Variants in SLC17A8 observed in about 807,000 individuals in gnomAD.
The protein encoded by SLC17A8 is vesicular glutamate transporter 3.
A neutral mutation model predicts 58.0 loss-of-function variants in SLC17A8; 31 were observed. The ratio of observed to expected loss-of-function variants is 0.53; its 90% CI spans 0.40 to 0.72. The LOEUF is 0.72. SLC17A8 is among the 30% of genes least tolerant of loss of function. SLC17A8 has a pLI of 0.00. For missense variants in SLC17A8, 655 were observed against 727.8 expected, an observed-to-expected ratio of 0.90 and a Z score of 1.15; for synonymous variants, 228 against 249.0, an observed-to-expected ratio of 0.92 and a Z score of 0.79.
At chr12:100,373,367 C>CT (rs761059762) in intron 1 of SLC17A8, among the ~76,000 whole-genome samples, 1 of 89,114 alleles carries the variant, frequency 1.1e-5, no homozygotes, top group Admixed American at 1.2e-4. Flanking sequence ...TTTATAAAGC[C>CT]TTTTTTCTGG....
At chr12:100,411,846 GTTT>G (rs3057179) in intron 9 of SLC17A8, among the ~76,000 whole-genome samples, 25 of 142,820 alleles carry the variant, frequency 1.8e-4, no homozygotes, top group African/African-American at 5.5e-4. Context: ...TGTATTGTTT[GTTT>G]TTTTTTTTTT....
chr12:100,417,477 AAGT>A (rs1952914967), intron 10 of SLC17A8, among the ~76,000 whole-genome samples: 1 of 152,244 alleles, frequency 6.6e-6, no homozygotes, highest in Non-Finnish European at 1.5e-5. Flanking sequence ...ACTCCAAATC[AAGT>A]AGGTGTGTGA....
In SLC17A8 at chr12:100,416,403, C is replaced by A. The variant is rs575980397; in HGVS notation, c.1298-1626C>A. ...TGTTTTATATTCTGATCATTTGGCA[C>A]ATTGACCTGAAAGATAAGGTATGTT... is the stretch of plus-strand genomic sequence containing the variant. On this transcript the variant is annotated intron_variant, in intron 10 of 11. Transcript: ENST00000323346. Among the ~76,000 whole-genome samples the A allele has an allele frequency of 1.2e-4, 18 of 152,272 alleles. 1 individual carries two copies. The highest frequency in any genetic ancestry group is 4.3e-4 in the African/African-American group (18 of 41,554).
At chr12:100,417,415 C>T (rs374855863) in intron 10 of SLC17A8, among the ~76,000 whole-genome samples, 4 of 152,114 alleles carry the variant, frequency 2.6e-5, no homozygotes, top group Admixed American at 2.6e-4. Flanking sequence ...AACAAAGGCC[C>T]CCAAATTACT....
intron 2 of SLC17A8, among the ~76,000 whole-genome samples, chr12:100,385,339 C>A (rs748221405): frequency 9.5e-5 from 14 of 147,412 alleles, no homozygotes; most frequent in Non-Finnish European, 1.8e-4. Context: ...CCGGTTCAAG[C>A]GATTCTACTC....
intron 1 of SLC17A8, among the ~76,000 whole-genome samples, chr12:100,379,485 T>C (rs1196599186): frequency 1.3e-5 from 2 of 151,882 alleles, no homozygotes; most frequent in Non-Finnish European, 2.9e-5. Context: ...TATGAACTTG[T>C]GGGCAAATGA....
intron 3 of SLC17A8, among the ~76,000 whole-genome samples, chr12:100,392,752 T>C (rs1952725793): frequency 6.6e-6 from 1 of 152,090 alleles, no homozygotes; most frequent in Non-Finnish European, 1.5e-5. Flanking sequence ...GGCCAGGAAA[T>C]GGGAGCTAAG....
intron 1 of SLC17A8, among the ~76,000 whole-genome samples, chr12:100,362,493 G>A (rs958249280): frequency 1.3e-5 from 2 of 152,106 alleles, no homozygotes; most frequent in Non-Finnish European, 2.9e-5. Context: ...GCCTCCCAAA[G>A]TGCTAGAATT....
In SLC17A8 at chr12:100,421,659, T is replaced by TTG. The variant is rs11418303; in HGVS notation, c.*1501_*1502insGT. ...ACTTGTAGCTTATTATTGTAAAGTG[T>TTG]TTTTTTTTTTTTTTTTTTTTTCTAA... On this transcript the variant is annotated 3_prime_UTR_variant, in exon 12 of 12. Transcript: ENST00000323346. 0.069 allele frequency: 154 copies of TTG among 2,216 alleles called. 5 individuals are homozygous for TTG. The highest frequency in any genetic ancestry group is 0.44 in the South Asian group (119 of 272). The allele number at this position is 2,216 out of a possible 1,614,324, so 0.1% of individuals were successfully genotyped here.
chr12:100,387,104 A>G (rs1952681050), intron 2 of SLC17A8, among the ~76,000 whole-genome samples: 1 of 151,980 alleles, frequency 6.6e-6, no homozygotes, highest in Admixed American at 6.6e-5. Flanking sequence ...CATGATTTCA[A>G]CTCTTTTGGA....
At chr12:100,369,299 A>G in intron 1 of SLC17A8, among the ~76,000 whole-genome samples, 1 of 152,234 alleles carries the variant, frequency 6.6e-6, no homozygotes. Flanking sequence ...AATAAAAAAT[A>G]AAAGAATGTT....
Position 100,401,796 on chromosome 12 carries a change from G to C in SLC17A8, c.696G>C (p.Val232=), listed in dbSNP as rs771613250. 7 of 1,613,930 alleles carry C rather than the reference G, an allele frequency of 4.3e-6. No individual in the cohort carries two copies. The highest frequency in any genetic ancestry group is 5.9e-6 in the Non-Finnish European group (7 of 1,179,866). The change falls in exon 6 of 12, where the codon GTG becomes GTC. Residue 232 remains valine (V), a synonymous_variant. Transcript: ENST00000323346. ...TTCCAGGTTCCTATGCAGGGGCAGTGGTTGCCATGCCCCTGGCTGGGGTGT... is the reference window on the plus strand; with the variant it reads ...TTCCAGGTTCCTATGCAGGGGCAGTCGTTGCCATGCCCCTGGCTGGGGTGT... The part of the protein sequence containing the change: ...TSFCGSYAGA[V]VAMPLAGVLV...
At chr12:100,383,905 A>G (rs948740624) in intron 2 of SLC17A8, among the ~76,000 whole-genome samples, 4 of 152,014 alleles carry the variant, frequency 2.6e-5, no homozygotes, top group Non-Finnish European at 5.9e-5. Flanking sequence ...GGATCATGCC[A>G]TGTTGCCCAG....
intron 10 of SLC17A8, 118 bp downstream of exon 10, chr12:100,412,998 G>C: frequency 2.4e-6 from 2 of 821,708 alleles, no homozygotes; most frequent in Non-Finnish European, 4.2e-6. Flanking sequence ...TCAGAGAGCA[G>C]GACCACCGTC....
intron 4 of SLC17A8, among the ~76,000 whole-genome samples, chr12:100,394,531 A>G (rs1037548406): frequency 1.3e-5 from 2 of 149,594 alleles, no homozygotes; most frequent in East Asian, 4.0e-4. Context: ...CCTCCTGAGT[A>G]GCTGGGACTA....
intron 1 of SLC17A8, among the ~76,000 whole-genome samples, chr12:100,372,047 GAATA>G (rs1952562336): frequency 1.3e-5 from 2 of 152,188 alleles, no homozygotes; most frequent in Admixed American, 1.3e-4. Context: ...TCTTCCAGTA[GAATA>G]GCAACTCAAG....
At chr12:100,418,382 G>T (rs1180243954) in intron 11 of SLC17A8, among the ~76,000 whole-genome samples, 1 of 152,066 alleles carries the variant, frequency 6.6e-6, no homozygotes, top group African/African-American at 2.4e-5. Flanking sequence ...CTCAATTGAG[G>T]AATAATAGTC....
intron 1 of SLC17A8, among the ~76,000 whole-genome samples, chr12:100,378,144 C>G (rs979889949): frequency 6.6e-6 from 1 of 151,862 alleles, no homozygotes; most frequent in Non-Finnish European, 1.5e-5. Flanking sequence ...GCAAGAGACC[C>G]GAGAATGGAG....
rs1422248513 is a variant in SLC17A8 at position 100,402,416 on chromosome 12, C to T, written c.840C>T (p.Ser280=). The change falls in exon 7 of 12, where the codon TCC becomes TCT. Residue 280 remains serine (S), a synonymous_variant. Transcript: ENST00000323346. The stretch of plus-strand genomic sequence containing the variant: ...GCCCAGCAGCTCATCCAACAATATC[C>T]AATGAGGAGAAGACCTATATAGAGA... ...YECPAAHPTI[S]NEEKTYIETS... 1 of 1,614,014 alleles carries T rather than the reference C, an allele frequency of 6.2e-7. No homozygotes were observed. Among genetic ancestry groups the T allele is most frequent in the South Asian group, 1.1e-5 (1 of 91,072 alleles).
Sources: allele counts gnomAD v4.1 joint callset (sites outside exome capture counted in the v4.1 genomes callset), GRCh38; gene constraint gnomAD v4.1.1; transcripts MANE v1.5; gene names NCBI Gene and HGNC (gene_info 2026-07-23, HGNC 2026-07-21).